Variants in CCSER1 observed in about 807,000 individuals in gnomAD.
CCSER1 encodes the protein coiled-coil serine rich protein 1.
CCSER1 carries 41 observed loss-of-function variants against 82.0 expected under a neutral mutation model. The observed-to-expected ratio is 0.50, with a 90% CI of 0.39 to 0.65. The LOEUF is 0.65. Among genes scored for constraint, CCSER1 ranks in the 30% least tolerant of loss-of-function variants. The pLI is 0.00. For synonymous variants in CCSER1, 414 were observed against 383.9 expected, an observed-to-expected ratio of 1.08 and a Z score of -0.92; for missense variants, 1,119 against 1,064.2, an observed-to-expected ratio of 1.05 and a Z score of -0.72.
At chr4:90,651,087 T>C (rs777535833) in intron 6 of CCSER1, among the ~76,000 whole-genome samples, 4 of 152,204 alleles carry the variant, frequency 2.6e-5, no homozygotes, top group Non-Finnish European at 4.4e-5. Context: ...TTACTACAGA[T>C]AGAGAGAAAG....
At chr4:91,432,443 T>C (rs1370269396) in intron 10 of CCSER1, among the ~76,000 whole-genome samples, 1 of 152,210 alleles carries the variant, frequency 6.6e-6, no homozygotes, top group Non-Finnish European at 1.5e-5. Context: ...AATAAATATA[T>C]AGATTTATTT....
At chr4:91,057,744 T>G (rs1369113360) in intron 9 of CCSER1, among the ~76,000 whole-genome samples, 3 of 152,142 alleles carry the variant, frequency 2.0e-5, no homozygotes, top group Non-Finnish European at 2.9e-5. Flanking sequence ...AATATCAGTA[T>G]GAGAGTGGTT....
At chr4:90,636,354 C>G (rs1410763211) in intron 6 of CCSER1, among the ~76,000 whole-genome samples, 1 of 151,548 alleles carries the variant, frequency 6.6e-6, no homozygotes, top group African/African-American at 2.4e-5. Context: ...GAAATAGAGA[C>G]ACATTATGCT....
intron 5 of CCSER1, among the ~76,000 whole-genome samples, chr4:90,590,098 A>G (rs998672095): frequency 6.6e-6 from 1 of 152,000 alleles, no homozygotes; most frequent in Non-Finnish European, 1.5e-5. Flanking sequence ...ACCTGGAGAA[A>G]CCCTGTCTCT....
chr4:90,691,459 CAT>C (rs1735827079), intron 6 of CCSER1, among the ~76,000 whole-genome samples: 1 of 143,020 alleles, frequency 7.0e-6, no homozygotes, highest in African/African-American at 2.5e-5. Flanking sequence ...CCCATAATCA[CAT>C]ATATACACAC....
chr4:90,851,790 A>T (rs1763924751), intron 8 of CCSER1, among the ~76,000 whole-genome samples: 1 of 152,084 alleles, frequency 6.6e-6, no homozygotes, highest in Non-Finnish European at 1.5e-5. Flanking sequence ...GTTTCTTTTT[A>T]AATTTTGACC....
chr4:90,831,356 C>A (rs1761088472), intron 8 of CCSER1, among the ~76,000 whole-genome samples: 1 of 152,036 alleles, frequency 6.6e-6, no homozygotes, highest in Non-Finnish European at 1.5e-5. Context: ...GATTGCATAG[C>A]CTATCTTGTT....
intron 10 of CCSER1, among the ~76,000 whole-genome samples, chr4:91,310,487 A>G (rs1745392503): frequency 6.6e-6 from 1 of 151,878 alleles, no homozygotes; most frequent in Non-Finnish European, 1.5e-5. Flanking sequence ...CAAGAAGAAG[A>G]CAAGGATATC....
intron 10 of CCSER1, among the ~76,000 whole-genome samples, chr4:91,374,358 C>T (rs1230970440): frequency 6.6e-6 from 1 of 152,150 alleles, no homozygotes; most frequent in Non-Finnish European, 1.5e-5. Context: ...GGTAACTATA[C>T]ATTGAAGCAA....
intron 4 of CCSER1, among the ~76,000 whole-genome samples, chr4:90,407,382 G>A (rs1753885608): frequency 6.6e-6 from 1 of 152,086 alleles, no homozygotes; most frequent in African/African-American, 2.4e-5. Flanking sequence ...AACAAAAAAA[G>A]TTTAGGACCA....
intron 9 of CCSER1, among the ~76,000 whole-genome samples, chr4:91,047,940 A>T (rs556000676): frequency 6.4e-4 from 98 of 152,176 alleles, no homozygotes; most frequent in African/African-American, 2.0e-3. Context: ...GTATGTGTTA[A>T]TTTTTATTAA....
chr4:91,474,810 TATACACAC>T (rs1295414840), intron 10 of CCSER1, among the ~76,000 whole-genome samples: 4 of 67,720 alleles, frequency 5.9e-5, no homozygotes, highest in Admixed American at 1.7e-4. Flanking sequence ...TATATATATA[TATACACAC>T]ACACACACAC....
chr4:90,852,841 T>C (rs755549022), intron 8 of CCSER1, among the ~76,000 whole-genome samples: 7 of 152,174 alleles, frequency 4.6e-5, no homozygotes, highest in African/African-American at 9.7e-5. Flanking sequence ...AAAGTTTTTG[T>C]ATATTAAAAA....
chr4:90,306,300 A>G (rs1453610281), intron 1 of CCSER1, among the ~76,000 whole-genome samples: 2 of 152,164 alleles, frequency 1.3e-5, no homozygotes, highest in African/African-American at 2.4e-5. Flanking sequence ...ATAGTTAATA[A>G]TAATGTACTG....
intron 10 of CCSER1, among the ~76,000 whole-genome samples, chr4:91,152,039 C>T (rs1730265395): frequency 6.6e-6 from 1 of 152,146 alleles, no homozygotes; most frequent in Admixed American, 6.5e-5. Context: ...TGTTAACCTT[C>T]TGTCTCGTTG....
chr4:90,266,498 C>G (rs11938553), intron 1 of CCSER1, among the ~76,000 whole-genome samples: 7,352 of 151,770 alleles, frequency 0.048, 472 homozygotes, highest in African/African-American at 0.15. Flanking sequence ...CACCTACATA[C>G]GAACTGAAAA....
chr4:91,144,282 T>G (rs1029647157), intron 10 of CCSER1, among the ~76,000 whole-genome samples: 1 of 152,024 alleles, frequency 6.6e-6, no homozygotes, highest in Non-Finnish European at 1.5e-5. Context: ...TGAGGATCTT[T>G]TGCATTTCTA....
intron 8 of CCSER1, among the ~76,000 whole-genome samples, chr4:90,841,577 C>CA (rs750390139): frequency 0.029 from 1,434 of 50,190 alleles, 34 homozygotes; most frequent in African/African-American, 0.062. Flanking sequence ...GACTCTGTCT[C>CA]AAAAAAAAAA....
At chr4:91,034,736 A>C (rs1037142324) in intron 9 of CCSER1, among the ~76,000 whole-genome samples, 2 of 152,180 alleles carry the variant, frequency 1.3e-5, no homozygotes, top group African/African-American at 4.8e-5. Context: ...TTGATGTTCA[A>C]ATGTATAAAG....
Sources: allele counts gnomAD v4.1 joint callset (sites outside exome capture counted in the v4.1 genomes callset), GRCh38; gene constraint gnomAD v4.1.1; transcripts MANE v1.5; gene names NCBI Gene and HGNC (gene_info 2026-07-23, HGNC 2026-07-21).